The following PPP2R5E variants were observed in gnomAD, a reference collection of about 807,000 sequenced individuals.
PPP2R5E encodes the protein protein phosphatase 2 regulatory subunit B'epsilon.
Under a neutral mutation model 65.3 loss-of-function variants are expected in PPP2R5E, and 4 were observed. The ratio of observed to expected loss-of-function variants is 0.06; its 90% CI spans 0.03 to 0.14. PPP2R5E has a LOEUF of 0.14. Among genes scored for constraint, PPP2R5E ranks in the 10% least tolerant of loss-of-function variants. PPP2R5E has a pLI of 1.00. For synonymous variants in PPP2R5E, 183 were observed against 187.4 expected (o/e 0.98, Z 0.19); for missense variants, 274 against 556.1 (o/e 0.49, Z 5.10).
intron 2 of PPP2R5E, among the ~76,000 whole-genome samples, chr14:63,480,053 C>T (rs1890614971): frequency 6.6e-6 from 1 of 152,110 alleles, no homozygotes; most frequent in African/African-American, 2.4e-5. Context: ...TATAATAAAC[C>T]TTCACATACT....
intron 2 of PPP2R5E, among the ~76,000 whole-genome samples, chr14:63,510,644 A>C (rs1892413392): frequency 1.3e-5 from 2 of 152,248 alleles, no homozygotes; most frequent in Non-Finnish European, 2.9e-5. Context: ...ACGGCCTGTT[A>C]GTGTGTTTGA....
At chr14:63,513,096 T>C in intron 2 of PPP2R5E, among the ~76,000 whole-genome samples, 1 of 151,810 alleles carries the variant, frequency 6.6e-6, no homozygotes, top group East Asian at 1.9e-4. Context: ...AAATAGAAAC[T>C]GTTTGGATGG....
chr14:63,437,865 G>A (rs996770086), intron 3 of PPP2R5E, among the ~76,000 whole-genome samples: 1 of 152,032 alleles, frequency 6.6e-6, no homozygotes, highest in African/African-American at 2.4e-5. Context: ...GATTTTTACT[G>A]AGAAATGTCT....
At chr14:63,486,293 TACACACACACACACACAC>T in intron 2 of PPP2R5E, among the ~76,000 whole-genome samples, 5 of 128,048 alleles carry the variant, frequency 3.9e-5, no homozygotes, top group Admixed American at 3.9e-4. Context: ...CTTTCCCCAT[TACACACACACACACACAC>T]ACACACACAC....
At chr14:63,523,726 A>C (rs1187729121) in intron 2 of PPP2R5E, among the ~76,000 whole-genome samples, 2 of 150,764 alleles carry the variant, frequency 1.3e-5, no homozygotes, top group Non-Finnish European at 2.9e-5. Context: ...TTAAAAAAAA[A>C]AACAAAGGTT....
At chr14:63,527,700 C>A (rs1283902160) in intron 2 of PPP2R5E, among the ~76,000 whole-genome samples, 1 of 152,098 alleles carries the variant, frequency 6.6e-6, no homozygotes, top group East Asian at 1.9e-4. Flanking sequence ...CTTTGAGAGG[C>A]CAAGGCGGGC....
At chr14:63,476,962 G>A (rs147360564) in intron 2 of PPP2R5E, among the ~76,000 whole-genome samples, 2 of 151,964 alleles carry the variant, frequency 1.3e-5, no homozygotes, top group Admixed American at 6.6e-5. Flanking sequence ...TACTACAAAC[G>A]TACACACACA....
chr14:63,397,762 T>G (rs1885494013), intron 5 of PPP2R5E, among the ~76,000 whole-genome samples: 1 of 151,064 alleles, frequency 6.6e-6, no homozygotes, highest in African/African-American at 2.4e-5. Flanking sequence ...ATTGCTCTGT[T>G]GCCCAGGCTG....
At chr14:63,463,690 G>A (rs1186962974) in intron 2 of PPP2R5E, among the ~76,000 whole-genome samples, 2 of 150,704 alleles carry the variant, frequency 1.3e-5, no homozygotes, top group African/African-American at 2.5e-5. Context: ...TCCGCCTCCC[G>A]GGTTCATGCC....
intron 2 of PPP2R5E, among the ~76,000 whole-genome samples, chr14:63,513,011 AAAC>A (rs1200211973): frequency 4.6e-5 from 7 of 152,178 alleles, no homozygotes; most frequent in South Asian, 2.1e-4. Context: ...CCCACCAAGA[AAAC>A]AACAACAACA....
At chr14:63,404,913 G>T (rs2139829302) in intron 5 of PPP2R5E, among the ~76,000 whole-genome samples, 2 of 152,298 alleles carry the variant, frequency 1.3e-5, no homozygotes, top group Middle Eastern at 6.8e-3. Flanking sequence ...AGCAGGCAGG[G>T]ACTAGCTACA....
At chr14:63,527,675 C>T (rs1893234565) in intron 2 of PPP2R5E, among the ~76,000 whole-genome samples, 1 of 152,114 alleles carries the variant, frequency 6.6e-6, no homozygotes, top group African/African-American at 2.4e-5. Context: ...TGGCTCAATG[C>T]CTGTAATCCC....
At chr14:63,486,584 A>G (rs918956505) in intron 2 of PPP2R5E, among the ~76,000 whole-genome samples, 2 of 151,938 alleles carry the variant, frequency 1.3e-5, no homozygotes, top group Non-Finnish European at 2.9e-5. Context: ...TTTGGGTTAT[A>G]CCAGAATATA....
At chr14:63,485,663 C>T (rs1890952322) in intron 2 of PPP2R5E, among the ~76,000 whole-genome samples, 1 of 152,084 alleles carries the variant, frequency 6.6e-6, no homozygotes, top group Non-Finnish European at 1.5e-5. Flanking sequence ...ATCCACCCGC[C>T]TCGGCCTCCC....
chr14:63,413,201 T>C (rs1309680859), intron 5 of PPP2R5E, among the ~76,000 whole-genome samples: 1 of 152,238 alleles, frequency 6.6e-6, no homozygotes, highest in Admixed American at 6.5e-5. Flanking sequence ...CTGTCTACCA[T>C]GGACAGCACA....
chr14:63,499,464 C>T (rs1206704076), intron 2 of PPP2R5E, among the ~76,000 whole-genome samples: 1 of 152,156 alleles, frequency 6.6e-6, no homozygotes, highest in Non-Finnish European at 1.5e-5. Context: ...GGGGCTCACA[C>T]CTGTAATCCC....
At chr14:63,462,457 T>C (rs1030562750) in intron 2 of PPP2R5E, among the ~76,000 whole-genome samples, 7 of 152,192 alleles carry the variant, frequency 4.6e-5, no homozygotes, top group Non-Finnish European at 1.0e-4. Flanking sequence ...GTCCTTAAAA[T>C]TCTTAACACA....
intron 4 of PPP2R5E, among the ~76,000 whole-genome samples, chr14:63,418,841 C>CTTTTTTTTTTTTT (rs772740856): frequency 2.9e-5 from 3 of 105,088 alleles, no homozygotes; most frequent in Non-Finnish European, 5.7e-5. Flanking sequence ...AATTTTTTTA[C>CTTTTTTTTTTTTT]TTTTTTTTTT....
chr14:63,511,125 T>G (rs1047060464), intron 2 of PPP2R5E, among the ~76,000 whole-genome samples: 1 of 152,222 alleles, frequency 6.6e-6, no homozygotes, highest in Non-Finnish European at 1.5e-5. Context: ...CACAAAGAGG[T>G]AGTCTTTCTC....
Sources: allele counts gnomAD v4.1 joint callset (sites outside exome capture counted in the v4.1 genomes callset), GRCh38; gene constraint gnomAD v4.1.1; transcripts MANE v1.5; gene names NCBI Gene and HGNC (gene_info 2026-07-23, HGNC 2026-07-21).